Variants in PPARGC1A observed in about 807,000 individuals in gnomAD.
PPARGC1A encodes peroxisome proliferator-activated receptor gamma coactivator 1-alpha.
PPARGC1A carries 25 observed loss-of-function variants against 88.7 expected under a neutral mutation model. The ratio of observed to expected loss-of-function variants is 0.28; its 90% CI spans 0.21 to 0.39. The LOEUF (loss-of-function observed/expected upper bound fraction) is 0.39. Ranked by LOEUF, PPARGC1A falls within the 10% of genes least tolerant of loss-of-function variation. The pLI, the probability that PPARGC1A is intolerant of heterozygous loss-of-function variation, is 1.00. For missense variants in PPARGC1A, 880 were observed against 968.7 expected, an observed-to-expected ratio of 0.91 and a Z score of 1.22; for synonymous variants, 363 against 355.6, an observed-to-expected ratio of 1.02 and a Z score of -0.24.
the PPARGC1A span, among the ~76,000 whole-genome samples, chr4:24,377,295 G>A: frequency 2.6e-5 from 4 of 152,014 alleles, no homozygotes; most frequent in Admixed American, 6.6e-5. Context: ...GGGGCAGCGG[G>A]GTAGGGGATC....
chr4:24,190,839 C>T, the PPARGC1A span, among the ~76,000 whole-genome samples: 1 of 152,204 alleles, frequency 6.6e-6, no homozygotes, highest in African/African-American at 2.4e-5. Flanking sequence ...GCCCATTTCC[C>T]ACCGCTGGTG....
chr4:24,279,051 C>T, the PPARGC1A span, among the ~76,000 whole-genome samples: 1 of 152,250 alleles, frequency 6.6e-6, no homozygotes, highest in Admixed American at 6.5e-5. Flanking sequence ...TTGGTGTTAG[C>T]ATTGTCACTT....
the PPARGC1A span, among the ~76,000 whole-genome samples, chr4:24,039,211 A>C: frequency 6.6e-6 from 1 of 152,196 alleles, no homozygotes; most frequent in Non-Finnish European, 1.5e-5. Flanking sequence ...AAAAGTCAGA[A>C]TGTGCAACAC....
chr4:24,455,795 T>G, the PPARGC1A span, among the ~76,000 whole-genome samples: 1 of 152,246 alleles, frequency 6.6e-6, no homozygotes, highest in Non-Finnish European at 1.5e-5. Context: ...CATGAAATGA[T>G]GCAACACGAA....
the PPARGC1A span, among the ~76,000 whole-genome samples, chr4:24,069,064 G>C: frequency 5.9e-5 from 9 of 152,158 alleles, no homozygotes; most frequent in Non-Finnish European, 1.2e-4. Context: ...TATGTGCCAC[G>C]TTATGTGCAT....
chr4:24,005,849 C>T, the PPARGC1A span, among the ~76,000 whole-genome samples: 1 of 151,932 alleles, frequency 6.6e-6, no homozygotes, highest in Non-Finnish European at 1.5e-5. Flanking sequence ...CTTATGATTC[C>T]ATTATTATAC....
the PPARGC1A span, among the ~76,000 whole-genome samples, chr4:24,238,819 G>A: frequency 6.9e-6 from 1 of 145,564 alleles, no homozygotes; most frequent in Non-Finnish European, 1.5e-5. Flanking sequence ...ATATCCACAT[G>A]CTAAGTGCTA....
In PPARGC1A at chr4:23,889,974, G is replaced by T. The variant is rs777085736; in HGVS notation, c.-17C>A. The T allele has an allele frequency of 6.2e-7, 1 of 1,613,462 alleles. No homozygotes were observed. Among genetic ancestry groups the T allele is most frequent in the East Asian group, 2.2e-5 (1 of 44,862 alleles). On this transcript the variant is annotated 5_prime_UTR_variant, in exon 1 of 13. Transcript: ENST00000264867. ...CCACGCCATCCAGCTCCTGAATGACGCCAGTCAAGCTTTTTCAACTCCAAT... is the reference window on the plus strand; with the variant it reads ...CCACGCCATCCAGCTCCTGAATGACTCCAGTCAAGCTTTTTCAACTCCAAT...
chr4:24,043,517 C>T, the PPARGC1A span, among the ~76,000 whole-genome samples: 3 of 152,022 alleles, frequency 2.0e-5, no homozygotes, highest in Non-Finnish European at 4.4e-5. Flanking sequence ...TTATAAACAC[C>T]CCTTTTCTCA....
chr4:24,472,819 C>T, the PPARGC1A span, among the ~76,000 whole-genome samples: 1 of 148,936 alleles, frequency 6.7e-6, no homozygotes. The surrounding 1 kb of genome is among the most constrained non-coding windows in gnomAD (Gnocchi z 4.5). Context: ...GCGCGCAGAG[C>T]GAGAGACCGC....
chr4:24,436,486 C>CG, the PPARGC1A span, among the ~76,000 whole-genome samples: 1 of 150,854 alleles, frequency 6.6e-6, no homozygotes, highest in African/African-American at 2.5e-5. Context: ...CAGCTGACAT[C>CG]AATTGGCCAC....
At chr4:24,012,849 C>G in the PPARGC1A span, among the ~76,000 whole-genome samples, 2 of 152,112 alleles carry the variant, frequency 1.3e-5, no homozygotes, top group African/African-American at 2.4e-5. Context: ...TCCTTTGTAG[C>G]TCTGTGGCTA....
the PPARGC1A span, among the ~76,000 whole-genome samples, chr4:24,211,500 C>T: frequency 0.16 from 23,784 of 152,058 alleles, 3,577 homozygotes; most frequent in African/African-American, 0.39. Flanking sequence ...TCCCCAGCTT[C>T]GTCCTACATA....
the PPARGC1A span, among the ~76,000 whole-genome samples, chr4:24,462,219 G>A: frequency 1.3e-5 from 2 of 151,302 alleles, no homozygotes; most frequent in Non-Finnish European, 2.9e-5. Context: ...CCAAGTAGCT[G>A]GGATTACAGG....
intron 7 of PPARGC1A, among the ~76,000 whole-genome samples, chr4:23,821,357 T>C (rs557464564): frequency 1.3e-5 from 2 of 152,220 alleles, no homozygotes; most frequent in South Asian, 4.1e-4. Flanking sequence ...CCAGAAATTG[T>C]AGTCATAGAA....
chr4:23,836,881 AAGG>A (rs1726117351), intron 2 of PPARGC1A, among the ~76,000 whole-genome samples: 2 of 152,310 alleles, frequency 1.3e-5, no homozygotes, highest in Admixed American at 6.5e-5. Context: ...CCACTAAATT[AAGG>A]AGGAGAGGAG....
chr4:24,422,082 T>G, the PPARGC1A span, among the ~76,000 whole-genome samples: 1 of 152,224 alleles, frequency 6.6e-6, no homozygotes, highest in Non-Finnish European at 1.5e-5. Context: ...CAGCAAACTA[T>G]GGCCCATAGG....
the PPARGC1A span, among the ~76,000 whole-genome samples, chr4:24,041,881 T>G: frequency 1.3e-5 from 2 of 151,344 alleles, no homozygotes; most frequent in Non-Finnish European, 2.9e-5. Context: ...TGTCAGATTG[T>G]GAGATATGAG....
At chr4:24,266,365 G>C in the PPARGC1A span, among the ~76,000 whole-genome samples, 1 of 152,170 alleles carries the variant, frequency 6.6e-6, no homozygotes, top group Admixed American at 6.5e-5. Context: ...TAGTGATGCA[G>C]ATGATGCAGG....
Sources: allele counts gnomAD v4.1 joint callset (sites outside exome capture counted in the v4.1 genomes callset), GRCh38; gene constraint gnomAD v4.1.1; non-coding constraint Gnocchi (gnomAD v3.1); transcripts MANE v1.5; gene names NCBI Gene and HGNC (gene_info 2026-07-23, HGNC 2026-07-21).